The following ZNF503 variants were observed in gnomAD, a reference collection of about 807,000 sequenced individuals.
The protein encoded by ZNF503 is NocA-like zinc finger 2.
In ZNF503, 15 loss-of-function variants were observed where a neutral mutation model predicts 34.4. The observed-to-expected ratio is 0.44, with a 90% CI of 0.29 to 0.67. The LOEUF is 0.67. Ranked by LOEUF, ZNF503 falls within the 30% of genes least tolerant of loss-of-function variation. ZNF503 has a pLI of 0.13. For missense variants in ZNF503, 1,007 were observed against 926.8 expected (o/e 1.09, Z -1.12); for synonymous variants, 580 against 456.8 (o/e 1.27, Z -3.44).
In ZNF503 at chr10:75,401,562, T is replaced by C; in HGVS notation, c.-143A>G. 1 of 989,354 alleles carries C rather than the reference T, an allele frequency of 1.0e-6. No homozygotes were observed. The highest frequency in any genetic ancestry group is 1.5e-6 in the Non-Finnish European group (1 of 680,658). 61.3% of individuals were successfully genotyped at this position (989,354 alleles called of 1,614,324 possible). Reference sequence around the variant, plus strand: ...GCGGCCACGGGCGCCCAGCGCGCCTTCTCGGCGCCTGGAGCCAGACGCGAG... The same window carrying C: ...GCGGCCACGGGCGCCCAGCGCGCCTCCTCGGCGCCTGGAGCCAGACGCGAG... On this transcript the variant is annotated 5_prime_UTR_variant, in exon 1 of 2. Transcript: ENST00000372524.
the ZNF503 span, among the ~76,000 whole-genome samples, chr10:75,318,451 T>C: frequency 1.3e-5 from 2 of 151,986 alleles, no homozygotes; most frequent in African/African-American, 4.8e-5. Flanking sequence ...CAGGGATCAC[T>C]TGAGCCCAAG....
At chr10:75,356,984 C>T in the ZNF503 span, among the ~76,000 whole-genome samples, 1 of 151,960 alleles carries the variant, frequency 6.6e-6, no homozygotes, top group African/African-American at 2.4e-5. Flanking sequence ...TTTGTTCATC[C>T]CACAAGAAAA....
At chr10:75,320,560 G>A in the ZNF503 span, among the ~76,000 whole-genome samples, 11 of 152,176 alleles carry the variant, frequency 7.2e-5, no homozygotes, top group African/African-American at 2.7e-4. Context: ...GCTTATGCCT[G>A]TAATCCTAGC....
chr10:75,394,451 G>C (rs1009042966), downstream of ZNF503, among the ~76,000 whole-genome samples: 4 of 152,248 alleles, frequency 2.6e-5, no homozygotes, highest in Non-Finnish European at 5.9e-5. Flanking sequence ...GTGCAGCAGA[G>C]GCCAGCCGAT....
At chr10:75,383,448 G>A in the ZNF503 span, among the ~76,000 whole-genome samples, 2 of 152,080 alleles carry the variant, frequency 1.3e-5, no homozygotes, top group Non-Finnish European at 2.9e-5. Flanking sequence ...CAGGGTCCTG[G>A]GAGACCAGGG....
At chr10:75,378,892 G>A in the ZNF503 span, among the ~76,000 whole-genome samples, 2 of 152,114 alleles carry the variant, frequency 1.3e-5, no homozygotes, top group African/African-American at 4.8e-5. Context: ...AGGGAAAACA[G>A]GAAGCAAAAG....
the ZNF503 span, chr10:75,361,778 TAC>T: frequency 1.2e-4 from 19 of 152,254 alleles, 1 homozygote; most frequent in Admixed American, 6.5e-4. Context: ...TAAATCTAGG[TAC>T]AGAGTAGGTC....
At chr10:75,337,919 G>A in the ZNF503 span, among the ~76,000 whole-genome samples, 1 of 152,212 alleles carries the variant, frequency 6.6e-6, no homozygotes, top group Non-Finnish European at 1.5e-5. Flanking sequence ...TGGGCCAGAT[G>A]TTGTACTAAA....
In ZNF503 at chr10:75,401,360, G is replaced by GCCT. The variant is rs1843813604; in HGVS notation, c.59_60insAGG (p.Gly27dup). The GCCT allele has an allele frequency of 3.2e-5, 47 of 1,461,964 alleles. No individual in the cohort carries two copies. Among genetic ancestry groups the GCCT allele is most frequent in the Middle Eastern group, 2.1e-4 (1 of 4,874 alleles). The allele number at this position is 1,461,964 out of a possible 1,614,324, so 90.6% of individuals were successfully genotyped here. ...CTGCACCGCCGCCTCCGCCTCCGCC[G>GCCT]CCGCCGCCGCCGCTGTGCTTACTGC... On this transcript the variant is annotated inframe_insertion, in exon 1 of 2. Transcript: ENST00000372524.
chr10:75,366,720 A>C, the ZNF503 span, among the ~76,000 whole-genome samples: 6 of 152,210 alleles, frequency 3.9e-5, no homozygotes, highest in Admixed American at 3.9e-4. Flanking sequence ...CAGTTCTTTG[A>C]GAGCTTTCTT....
At chr10:75,372,239 T>G in the ZNF503 span, among the ~76,000 whole-genome samples, 1 of 152,170 alleles carries the variant, frequency 6.6e-6, no homozygotes, top group Non-Finnish European at 1.5e-5. Context: ...GCCTAAAAAG[T>G]TTTTATTGTG....
the ZNF503 span, among the ~76,000 whole-genome samples, chr10:75,353,462 C>T: frequency 2.0e-5 from 3 of 152,188 alleles, no homozygotes; most frequent in Non-Finnish European, 4.4e-5. Context: ...GAGGGCAGTG[C>T]GGCCAGGACC....
the ZNF503 span, among the ~76,000 whole-genome samples, chr10:75,311,688 A>T: frequency 6.9e-6 from 1 of 145,608 alleles, no homozygotes; most frequent in Non-Finnish European, 1.5e-5. Flanking sequence ...AAAAAAAAAA[A>T]GCCGGAAGTG....
chr10:75,338,931 G>A, the ZNF503 span, among the ~76,000 whole-genome samples: 4 of 152,110 alleles, frequency 2.6e-5, no homozygotes, highest in Non-Finnish European at 1.5e-5. Context: ...TCTCTTTATT[G>A]AAAGAGTTGT....
the ZNF503 span, among the ~76,000 whole-genome samples, chr10:75,311,670 C>CAA: frequency 0.026 from 2,834 of 109,196 alleles, 60 homozygotes; most frequent in African/African-American, 0.046. Context: ...CTAAAAATAC[C>CAA]AAAAAAAAAA....
chr10:75,313,003 A>G, the ZNF503 span, among the ~76,000 whole-genome samples: 17 of 152,186 alleles, frequency 1.1e-4, no homozygotes, highest in Admixed American at 3.9e-4. Context: ...ACCATGTAAG[A>G]TGTGACTTTA....
the ZNF503 span, among the ~76,000 whole-genome samples, chr10:75,372,622 C>T: frequency 6.6e-6 from 1 of 152,182 alleles, no homozygotes; most frequent in Non-Finnish European, 1.5e-5. Context: ...TGGTTTGAAC[C>T]CAAACACTGG....
the ZNF503 span, chr10:75,382,548 G>A: frequency 1.9e-6 from 1 of 528,420 alleles, no homozygotes; most frequent in Admixed American, 3.0e-5. Flanking sequence ...ATGGTGACTG[G>A]TGTCTCTTTC....
At chr10:75,309,014 T>C in the ZNF503 span, among the ~76,000 whole-genome samples, 10 of 152,218 alleles carry the variant, frequency 6.6e-5, no homozygotes, top group African/African-American at 2.4e-4. Context: ...GCTAATTTTT[T>C]TGCATTTTTG....
Sources: gnomAD v4.1 joint callset for allele counts (sites outside exome capture counted in the v4.1 genomes callset) on GRCh38, gnomAD v4.1.1 for gene constraint, MANE v1.5 for transcripts, NCBI Gene and HGNC (gene_info 2026-07-23, HGNC 2026-07-21) for gene names.